The following CACHD1 variants were observed in gnomAD, a reference collection of about 807,000 sequenced individuals.
CACHD1 encodes VWFA and cache domain-containing protein 1.
CACHD1 carries 71 observed loss-of-function variants against 138.7 expected under a neutral mutation model. The ratio of observed to expected loss-of-function variants is 0.51; its 90% CI spans 0.42 to 0.62. CACHD1 has a LOEUF of 0.62. CACHD1 is among the 20% of genes least tolerant of loss of function. The pLI, the probability that CACHD1 is intolerant of heterozygous loss-of-function variation, is 0.00. For missense variants in CACHD1, 1,389 were observed against 1,625.3 expected (o/e 0.85, Z 2.50); for synonymous variants, 578 against 591.5 (o/e 0.98, Z 0.33).
chr1:64,605,998 C>T (rs150230400), intron 4 of CACHD1, among the ~76,000 whole-genome samples: 28 of 152,132 alleles, frequency 1.8e-4, no homozygotes, highest in African/African-American at 6.7e-4. Context: ...AGAATGGTCT[C>T]CTACCTGTTA....
chr1:64,531,527 G>C (rs77827847), intron 1 of CACHD1, among the ~76,000 whole-genome samples: 1 of 131,182 alleles, frequency 7.6e-6, no homozygotes, highest in Non-Finnish European at 1.7e-5. Flanking sequence ...GTGTGTGTGT[G>C]TGTCTGTGTA....
chr1:64,618,458 T>C (rs941116539), intron 4 of CACHD1, among the ~76,000 whole-genome samples: 1 of 152,128 alleles, frequency 6.6e-6, no homozygotes, highest in Admixed American at 6.6e-5. Flanking sequence ...AAATCTCTCA[T>C]AGGGTTGTTG....
At chr1:64,471,390 C>T (rs1439716830) in intron 1 of CACHD1, among the ~76,000 whole-genome samples, 1 of 152,244 alleles carries the variant, frequency 6.6e-6, no homozygotes, top group African/African-American at 2.4e-5. Flanking sequence ...GAAGTCCCCA[C>T]CCCACCCCCT....
chr1:64,479,381 T>C (rs1646195987), intron 1 of CACHD1, among the ~76,000 whole-genome samples: 1 of 152,212 alleles, frequency 6.6e-6, no homozygotes, highest in Non-Finnish European at 1.5e-5. Context: ...ACAGAGGGAT[T>C]CTGGCAGGCC....
intron 1 of CACHD1, among the ~76,000 whole-genome samples, chr1:64,523,919 G>A (rs951499159): frequency 1.0e-5 from 1 of 98,294 alleles, no homozygotes; most frequent in Non-Finnish European, 2.7e-5. Context: ...AGTAAATGGA[G>A]TAGATGAGTC....
At chr1:64,524,851 T>C (rs1038438125) in intron 1 of CACHD1, among the ~76,000 whole-genome samples, 2 of 152,196 alleles carry the variant, frequency 1.3e-5, no homozygotes, top group African/African-American at 2.4e-5. Flanking sequence ...CCTTACTGCT[T>C]TCCGAATATT....
intron 1 of CACHD1, among the ~76,000 whole-genome samples, chr1:64,483,498 T>A (rs1646223206): frequency 6.6e-6 from 1 of 151,890 alleles, no homozygotes; most frequent in African/African-American, 2.4e-5. Flanking sequence ...ATATACATTG[T>A]AAATTTTGAG....
intron 4 of CACHD1, among the ~76,000 whole-genome samples, chr1:64,606,258 G>T (rs1417966228): frequency 1.3e-5 from 2 of 152,166 alleles, no homozygotes; most frequent in Non-Finnish European, 2.9e-5. Flanking sequence ...AGGGAATACG[G>T]TTGGCTGTCG....
intron 1 of CACHD1, among the ~76,000 whole-genome samples, chr1:64,509,296 T>C (rs748743024): frequency 6.6e-6 from 1 of 152,188 alleles, no homozygotes; most frequent in Non-Finnish European, 1.5e-5. Flanking sequence ...GTTTTCATTT[T>C]TTAGAGATCT....
At chr1:64,604,747 G>T (rs1358331179) in intron 4 of CACHD1, among the ~76,000 whole-genome samples, 1 of 151,908 alleles carries the variant, frequency 6.6e-6, no homozygotes, top group East Asian at 1.9e-4. Context: ...CTGCCTCCCG[G>T]GTTCAAGCAA....
chr1:64,537,365 G>T (rs142403895), intron 1 of CACHD1, among the ~76,000 whole-genome samples: 1 of 152,142 alleles, frequency 6.6e-6, no homozygotes, highest in African/African-American at 2.4e-5. Flanking sequence ...CCTCCTTGGC[G>T]TGTGCGTCCA....
chr1:64,664,555 C>T lies in CACHD1; in HGVS notation c.2152C>T (p.Gln718Ter), dbSNP rs1649565222. Residue 718 changes from glutamine (Q) to a stop codon, truncating the protein, a stop_gained, in exon 15 of 27, where the codon CAA becomes TAA. Coordinates refer to ENST00000651257, the MANE Select transcript of CACHD1 (RefSeq NM_020925.4). LOFTEE classifies it high-confidence loss of function. Reference protein sequence around the residue: ...TSHVTDEWMTQMEMSSLNTYI... With the variant: ...TSHVTDEWMT ...CCACGTCACAGATGAATGGATGACA[C>T]AAATGGAAATGAGTAGCCTGAACAC... The T allele has an allele frequency of 1.2e-6, 2 of 1,614,168 alleles. No homozygotes were observed. The highest frequency in any genetic ancestry group is 1.7e-6 in the Non-Finnish European group (2 of 1,180,026).
chr1:64,529,224 A>G (rs569783101), intron 1 of CACHD1, among the ~76,000 whole-genome samples: 1 of 152,332 alleles, frequency 6.6e-6, no homozygotes, highest in African/African-American at 2.4e-5. Context: ...GATAACTTTC[A>G]GTAACTATGC....
At chr1:64,471,101 T>C (rs958755092) in intron 1 of CACHD1, among the ~76,000 whole-genome samples, 159 bp downstream of exon 1, 5 of 152,126 alleles carry the variant, frequency 3.3e-5, no homozygotes, top group African/African-American at 9.7e-5. Context: ...ACAGACCCCC[T>C]GACAATACAC....
chr1:64,559,583 C>T (rs906244954), intron 2 of CACHD1, among the ~76,000 whole-genome samples: 1 of 152,054 alleles, frequency 6.6e-6, no homozygotes, highest in African/African-American at 2.4e-5. Context: ...ATAATATGTA[C>T]AACAAACCCC....
In CACHD1 at chr1:64,483,638, G is replaced by T. The variant is rs933878702; in HGVS notation, c.198+12696G>T. Among the ~76,000 whole-genome samples the T allele has an allele frequency of 7.2e-5, 10 of 138,840 alleles. No homozygotes were observed. The Admixed American group carries it at 7.6e-4, about 11-fold the overall frequency. 91.1% of individuals were successfully genotyped at this position (138,840 alleles called of 152,430 possible). A position where few individuals can be genotyped will look rare whatever the true frequency, so the allele number is the denominator to read the frequency against. On this transcript the variant is annotated intron_variant, in intron 1 of 26. Coordinates refer to ENST00000651257, the MANE Select transcript of CACHD1 (RefSeq NM_020925.4). ...GTGGCAGGACCCCTTGAGGCCAGGA[G>T]TTCAAGACCAGTGTAGGCAACATGG...
intron 3 of CACHD1, among the ~76,000 whole-genome samples, chr1:64,598,083 A>G (rs1485013931): frequency 6.6e-6 from 1 of 152,154 alleles, no homozygotes; most frequent in African/African-American, 2.4e-5. Context: ...ATGGCTGAGC[A>G]TGTTTTATCC....
rs534217830 is a variant in CACHD1 at position 64,587,404 on chromosome 1, AG to A, written c.410+5101del. Among the ~76,000 whole-genome samples the A allele has an allele frequency of 1.3e-4, 20 of 152,326 alleles. No homozygotes were observed. The South Asian group carries it at 3.9e-3, about 30-fold the overall frequency. The stretch of plus-strand genomic sequence containing the variant: ...GGAGCTTTAAAGACCTTTGTTACAG[AG>A]CATTAGGCTATAGTATGACGACAAC... On this transcript the variant is annotated intron_variant, in intron 3 of 26. Coordinates refer to ENST00000651257, the MANE Select transcript of CACHD1 (RefSeq NM_020925.4).
In CACHD1 at chr1:64,602,878, C is replaced by T. The variant is rs762930702; in HGVS notation, c.483C>T (p.Ser161=). ...SCDRLSTTVN[S]RAFNPGRDLN... ...ATCGACTTTCTACTACTGTTAATAG[C>T]CGGGCCTTCAATCCAGGACGAGACT... The change falls in exon 4 of 27, where the codon AGC becomes AGT. Residue 161 remains serine, a synonymous_variant. Transcript: ENST00000651257. The T allele has an allele frequency of 1.9e-6, 3 of 1,613,168 alleles. No homozygotes were observed. Among genetic ancestry groups the T allele is most frequent in the South Asian group, 2.2e-5 (2 of 90,990 alleles).
Sources: gnomAD v4.1 joint callset for allele counts (sites outside exome capture counted in the v4.1 genomes callset) on GRCh38, gnomAD v4.1.1 for gene constraint, MANE v1.5 for transcripts, NCBI Gene and HGNC (gene_info 2026-07-23, HGNC 2026-07-21) for gene names.